The following SNX29 variants were observed in gnomAD, a reference collection of about 807,000 sequenced individuals.
SNX29 encodes the protein sorting nexin 29.
In SNX29, 78 loss-of-function variants were observed where a neutral mutation model predicts 102.1. The observed-to-expected ratio is 0.76, with a 90% CI of 0.64 to 0.92. The LOEUF is 0.92. Among genes scored for constraint, SNX29 ranks in the 40% least tolerant of loss-of-function variants. The pLI, the probability that SNX29 is intolerant of heterozygous loss-of-function variation, is 0.00. For missense variants in SNX29, 1,280 were observed against 1,061.7 expected, an observed-to-expected ratio of 1.21 and a Z score of -2.86; for synonymous variants, 580 against 414.5, an observed-to-expected ratio of 1.40 and a Z score of -4.85.
At chr16:12,223,141 A>AC (rs2077521655) in intron 14 of SNX29, among the ~76,000 whole-genome samples, 1 of 152,130 alleles carries the variant, frequency 6.6e-6, no homozygotes, top group Non-Finnish European at 1.5e-5. Context: ...GTAAGGGTGA[A>AC]CCCCAATGCT....
chr16:12,157,935 C>T (rs1215430805), intron 13 of SNX29, among the ~76,000 whole-genome samples: 2 of 152,188 alleles, frequency 1.3e-5, no homozygotes, highest in African/African-American at 4.8e-5. Flanking sequence ...CGCCGTGATT[C>T]CCTCCAGTGC....
intron 15 of SNX29, among the ~76,000 whole-genome samples, chr16:12,343,722 AGGGG>A (rs2081686214): frequency 1.3e-5 from 2 of 151,988 alleles, no homozygotes; most frequent in African/African-American, 4.8e-5. Flanking sequence ...GGGCAGGGGC[AGGGG>A]CAGGGGCAGG....
intron 18 of SNX29, among the ~76,000 whole-genome samples, chr16:12,409,901 G>C (rs2084325869): frequency 6.6e-6 from 1 of 152,172 alleles, no homozygotes; most frequent in Non-Finnish European, 1.5e-5. Flanking sequence ...AATGCTGGCT[G>C]TTGTACAATA....
intron 20 of SNX29, among the ~76,000 whole-genome samples, chr16:12,548,714 G>A (rs540105426): frequency 6.6e-5 from 10 of 152,168 alleles, no homozygotes; most frequent in Admixed American, 3.3e-4. Context: ...TACTGGTGTA[G>A]GAGGGGTACA....
intron 13 of SNX29, among the ~76,000 whole-genome samples, chr16:12,131,348 C>G (rs971650422): frequency 2.0e-5 from 3 of 152,230 alleles, no homozygotes; most frequent in Non-Finnish European, 4.4e-5. Context: ...CACCCCAGAT[C>G]CCAACTTACA....
At chr16:12,146,122 C>A (rs12443524) in intron 13 of SNX29, among the ~76,000 whole-genome samples, 7 of 152,202 alleles carry the variant, frequency 4.6e-5, no homozygotes, top group African/African-American at 1.4e-4. Context: ...GTTTCCACCT[C>A]GATTTGCATT....
At chr16:12,402,833 AT>A (rs550216525) in intron 17 of SNX29, among the ~76,000 whole-genome samples, 10 of 152,132 alleles carry the variant, frequency 6.6e-5, no homozygotes, top group Admixed American at 1.3e-4. Flanking sequence ...AAAGAGAGGT[AT>A]TTGTACCCAT....
At chr16:12,309,168 A>T (rs1319561104) in intron 15 of SNX29, among the ~76,000 whole-genome samples, 1 of 152,160 alleles carries the variant, frequency 6.6e-6, no homozygotes, top group Non-Finnish European at 1.5e-5. Context: ...GGGAGAGAAG[A>T]GGTGGGCTTC....
chr16:12,382,232 C>T (rs1329047340), intron 16 of SNX29, among the ~76,000 whole-genome samples: 1 of 152,118 alleles, frequency 6.6e-6, no homozygotes, highest in African/African-American at 2.4e-5. Flanking sequence ...GCAGGGAAGT[C>T]GTATTTCCCT....
chr16:12,076,611 C>T (rs1231668239), intron 10 of SNX29, among the ~76,000 whole-genome samples: 3 of 152,274 alleles, frequency 2.0e-5, no homozygotes, highest in South Asian at 2.1e-4. Context: ...CTGGTCATAA[C>T]ATTTTTATGT....
chr16:12,388,421 T>A (rs2083409475), intron 16 of SNX29, among the ~76,000 whole-genome samples: 1 of 152,218 alleles, frequency 6.6e-6, no homozygotes, highest in Non-Finnish European at 1.5e-5. Flanking sequence ...CTCAAGCCCT[T>A]GACATTTTAT....
chr16:12,212,344 C>T (rs2077208641), intron 14 of SNX29, among the ~76,000 whole-genome samples: 1 of 152,140 alleles, frequency 6.6e-6, no homozygotes, highest in African/African-American at 2.4e-5. Flanking sequence ...CTTTCCGCTT[C>T]TCAGGAGCAG....
At chr16:12,303,578 G>C (rs1282967403) in intron 15 of SNX29, among the ~76,000 whole-genome samples, 2 of 152,192 alleles carry the variant, frequency 1.3e-5, no homozygotes, top group Non-Finnish European at 2.9e-5. Context: ...ATACGGAAAG[G>C]CAAGGGCATG....
chr16:12,510,309 G>A (rs749099195), intron 19 of SNX29, among the ~76,000 whole-genome samples: 9 of 152,228 alleles, frequency 5.9e-5, no homozygotes, highest in Non-Finnish European at 1.3e-4. Context: ...ATACAGGGAT[G>A]AGGTGGACCG....
intron 11 of SNX29, among the ~76,000 whole-genome samples, chr16:12,093,476 TG>T (rs2052643255): frequency 6.6e-6 from 1 of 152,026 alleles, no homozygotes; most frequent in Non-Finnish European, 1.5e-5. Context: ...AAGCCAGACA[TG>T]GTGGCACGTG....
chr16:12,312,243 C>G (rs1483959713), intron 15 of SNX29, among the ~76,000 whole-genome samples: 1 of 152,226 alleles, frequency 6.6e-6, no homozygotes. Flanking sequence ...TGTCCCCATC[C>G]CAGCCCCCTG....
chr16:12,425,120 C>A (rs979611843), intron 18 of SNX29, among the ~76,000 whole-genome samples: 4 of 152,194 alleles, frequency 2.6e-5, no homozygotes, highest in Admixed American at 6.5e-5. Context: ...TTGCATTAAT[C>A]TAAACGCAAA....
At chr16:12,346,413 A>G (rs1486869703) in intron 15 of SNX29, among the ~76,000 whole-genome samples, 1 of 152,126 alleles carries the variant, frequency 6.6e-6, no homozygotes, top group Non-Finnish European at 1.5e-5. Flanking sequence ...TGACATTTGC[A>G]TCGTTGTTAA....
At chr16:12,356,317 C>T (rs1324418154) in intron 16 of SNX29, 38 bp downstream of exon 16, 3 of 1,531,348 alleles carry the variant, frequency 2.0e-6, no homozygotes, top group Admixed American at 1.9e-5. Context: ...TGTCAAGCCT[C>T]TGCTGCCCAC....
Sources: allele counts gnomAD v4.1 joint callset (sites outside exome capture counted in the v4.1 genomes callset), GRCh38; gene constraint gnomAD v4.1.1; transcripts MANE v1.5; gene names NCBI Gene and HGNC (gene_info 2026-07-23, HGNC 2026-07-21).